The following PRKN variants were observed in gnomAD, a reference collection of about 807,000 sequenced individuals.
The protein encoded by PRKN is E3 ubiquitin-protein ligase parkin.
PRKN carries 56 observed loss-of-function variants against 59.5 expected under a neutral mutation model. The ratio of observed to expected loss-of-function variants is 0.94; its 90% CI spans 0.76 to 1.18. PRKN has a LOEUF of 1.18. Among genes scored for constraint, PRKN ranks in the 50% most tolerant of loss-of-function variants. PRKN has a pLI of 0.00. For synonymous variants in PRKN, 250 were observed against 222.1 expected (o/e 1.13, Z -1.12); for missense variants, 657 against 596.4 (o/e 1.10, Z -1.06).
chr6:162,621,862 C>G (rs1562444445), intron 1 of PRKN, among the ~76,000 whole-genome samples: 1 of 152,136 alleles, frequency 6.6e-6, no homozygotes. Context: ...GTGGCCCAGG[C>G]TGGAGGGCAG....
intron 6 of PRKN, among the ~76,000 whole-genome samples, chr6:161,886,868 T>C (rs746404739): frequency 1.5e-4 from 23 of 152,104 alleles, no homozygotes; most frequent in Non-Finnish European, 3.1e-4. Context: ...CTATATACTT[T>C]AGGGAAATTT....
chr6:161,574,828 C>G (rs1319480623), intron 7 of PRKN, among the ~76,000 whole-genome samples: 1 of 152,178 alleles, frequency 6.6e-6, no homozygotes, highest in African/African-American at 2.4e-5. Flanking sequence ...GGGACATATT[C>G]TCTTTGCTCA....
chr6:161,509,872 T>G lies in PRKN; in HGVS notation c.1083+38982A>C, dbSNP rs550765742. ...TCCAGCCTGGGTGACAGAGTGAGAC[T>G]CCATCTCAAAAAAAAAAAAAAAAAA... On this transcript the variant is annotated intron_variant, in intron 9 of 11. Coordinates refer to ENST00000366898, the MANE Select transcript of PRKN (RefSeq NM_004562.3). Among the ~76,000 whole-genome samples, 83 of 89,854 alleles carry G rather than the reference T, an allele frequency of 9.2e-4. 1 individual carries two copies. Among genetic ancestry groups the G allele is most frequent in the Non-Finnish European group, 1.4e-4 (7 of 51,448 alleles). The allele number at this position is 89,854 out of a possible 152,430, so 58.9% of individuals were successfully genotyped here. A position where few individuals can be genotyped will look rare whatever the true frequency, so the allele number is the denominator to read the frequency against.
chr6:162,359,534 A>T (rs1785042379), intron 2 of PRKN, among the ~76,000 whole-genome samples: 1 of 152,064 alleles, frequency 6.6e-6, no homozygotes, highest in Non-Finnish European at 1.5e-5. Context: ...AAACAGAACA[A>T]AACCATGAGT....
intron 3 of PRKN, among the ~76,000 whole-genome samples, chr6:162,220,181 A>C (rs1392731629): frequency 6.6e-6 from 1 of 152,178 alleles, no homozygotes; most frequent in Non-Finnish European, 1.5e-5. Flanking sequence ...AAATCAACTC[A>C]AGATGGATTA....
At chr6:161,954,409 C>T (rs1273353726) in intron 6 of PRKN, among the ~76,000 whole-genome samples, 2 of 152,184 alleles carry the variant, frequency 1.3e-5, no homozygotes, top group East Asian at 1.9e-4. Flanking sequence ...CAGCCAGATG[C>T]TTTTAGTAAG....
At chr6:162,689,788 G>T (rs1777702839) in intron 1 of PRKN, among the ~76,000 whole-genome samples, 1 of 152,162 alleles carries the variant, frequency 6.6e-6, no homozygotes, top group African/African-American at 2.4e-5. Context: ...GAAGCCTAAA[G>T]GCATGAATCA....
At chr6:162,290,066 T>C (rs1343165263) in intron 2 of PRKN, among the ~76,000 whole-genome samples, 1 of 152,192 alleles carries the variant, frequency 6.6e-6, no homozygotes, top group East Asian at 1.9e-4. Flanking sequence ...AATATTTTTA[T>C]TCGCCTCCTA....
At chr6:161,723,567 T>C (rs558959892) in intron 7 of PRKN, among the ~76,000 whole-genome samples, 1 of 152,188 alleles carries the variant, frequency 6.6e-6, no homozygotes, top group South Asian at 2.1e-4. Flanking sequence ...TGGGCAGCCC[T>C]AGAGGTTGAA....
chr6:161,608,329 T>C (rs887590479), intron 7 of PRKN, among the ~76,000 whole-genome samples: 1 of 151,846 alleles, frequency 6.6e-6, no homozygotes, highest in Admixed American at 6.6e-5. Flanking sequence ...CCAAGAAAAA[T>C]AAAATAGTTG....
chr6:161,781,996 G>A (rs185917888), intron 7 of PRKN, among the ~76,000 whole-genome samples: 2 of 152,296 alleles, frequency 1.3e-5, no homozygotes, highest in East Asian at 3.9e-4. Context: ...CCACTACTGG[G>A]AGAGAAATTT....
At chr6:162,133,195 T>C (rs949262279) in intron 4 of PRKN, among the ~76,000 whole-genome samples, 4 of 152,170 alleles carry the variant, frequency 2.6e-5, no homozygotes, top group African/African-American at 9.6e-5. Context: ...GGAATAGGAC[T>C]GGGCAGGAGG....
intron 7 of PRKN, among the ~76,000 whole-genome samples, chr6:161,620,127 A>G (rs1782841915): frequency 6.6e-6 from 1 of 150,600 alleles, no homozygotes. Flanking sequence ...AGTACCTGGG[A>G]CTACAGGCAT....
At chr6:162,302,959 A>AACACACAC (rs1184692308) in intron 2 of PRKN, among the ~76,000 whole-genome samples, 12 of 48,274 alleles carry the variant, frequency 2.5e-4, no homozygotes, top group South Asian at 9.7e-4. Flanking sequence ...ATATGCCTTA[A>AACACACAC]ACATACACAC....
At chr6:162,034,190 G>C (rs55895629) in intron 5 of PRKN, among the ~76,000 whole-genome samples, 2 of 120,520 alleles carry the variant, frequency 1.7e-5, no homozygotes, top group African/African-American at 6.7e-5. Context: ...TATATATAGA[G>C]AGAGAGAGAG....
At position 161,550,947 on chromosome 6, in the gene PRKN, C is replaced by A. The variant is rs954423332; in HGVS notation, c.934-1944G>T. 1.3e-5 allele frequency among the ~76,000 whole-genome samples: 2 copies of A among 152,026 alleles called. No individual in the cohort carries two copies. The highest frequency in any genetic ancestry group is 4.8e-5 in the African/African-American group (2 of 41,392). On this transcript the variant is annotated intron_variant, in intron 8 of 11. Transcript: ENST00000366898. The surrounding 1 kb of genome is among the most constrained non-coding windows in gnomAD (Gnocchi z 4.0). ...TGAGCCTCTAATCCATTTTCTCATT[C>A]TTCTGTCCCCAGGAAAGAAAGAAAA...
chr6:162,649,463 A>G (rs1778331980), intron 1 of PRKN, among the ~76,000 whole-genome samples: 1 of 152,284 alleles, frequency 6.6e-6, no homozygotes, highest in South Asian at 2.1e-4. Flanking sequence ...CTAAGTCTCT[A>G]GTGAAACTGA....
In PRKN at chr6:161,471,136, T is replaced by C. The variant is rs996510899; in HGVS notation, c.1083+77718A>G. The stretch of plus-strand genomic sequence containing the variant: ...GTCTTCTTATCCCAGGTCCTGCAAA[T>C]GTTAGGACTGGACTAACCACTCCCT... On this transcript the variant is annotated intron_variant, in intron 9 of 11. Transcript: ENST00000366898. The surrounding 1 kb of genome is among the most constrained non-coding windows in gnomAD (Gnocchi z 4.5). Among the ~76,000 whole-genome samples, 1 of 152,156 alleles carries C rather than the reference T, an allele frequency of 6.6e-6. No homozygotes were observed. The highest frequency in any genetic ancestry group is 1.5e-5 in the Non-Finnish European group (1 of 68,030).
At chr6:161,900,682 T>TAC (rs1370886131) in intron 6 of PRKN, among the ~76,000 whole-genome samples, 21 of 130,856 alleles carry the variant, frequency 1.6e-4, no homozygotes, top group African/African-American at 4.7e-4. Context: ...TTATATATAA[T>TAC]ATATTATATA....
Sources: allele counts gnomAD v4.1 joint callset (sites outside exome capture counted in the v4.1 genomes callset), GRCh38; gene constraint gnomAD v4.1.1; non-coding constraint Gnocchi (gnomAD v3.1); transcripts MANE v1.5; gene names NCBI Gene and HGNC (gene_info 2026-07-23, HGNC 2026-07-21).